Variants in ZFHX3 observed in about 807,000 individuals in gnomAD.
ZFHX3 encodes zinc finger homeobox protein 3.
In ZFHX3, 42 loss-of-function variants were observed where a neutral mutation model predicts 279.1. That is an observed-to-expected ratio of 0.15 (90% confidence interval 0.12 to 0.19). ZFHX3 has a LOEUF of 0.19. Ranked by LOEUF, ZFHX3 falls within the 10% of genes least tolerant of loss-of-function variation. The pLI is 1.00. For missense variants in ZFHX3, 4,981 were observed against 4,754.0 expected, an observed-to-expected ratio of 1.05 and a Z score of -1.40; for synonymous variants, 2,293 against 1,957.8, an observed-to-expected ratio of 1.17 and a Z score of -4.52.
chr16:72,934,116 C>T (rs1959979831), intron 3 of ZFHX3, among the ~76,000 whole-genome samples: 2 of 152,196 alleles, frequency 1.3e-5, no homozygotes. Context: ...CCACGCCCGG[C>T]CACAGCTTTC....
intron 2 of ZFHX3, among the ~76,000 whole-genome samples, chr16:73,614,938 T>G (rs2143890916): frequency 6.6e-6 from 1 of 152,044 alleles, no homozygotes; most frequent in Middle Eastern, 3.4e-3. Flanking sequence ...TTTTGTAGTT[T>G]TGGTAGAGAT....
At position 73,647,735 on chromosome 16, in the gene ZFHX3, GAAAAAAAAAC is replaced by G. The variant is rs2052633606; in HGVS notation, c.-1547+32435_-1547+32444del. Among the ~76,000 whole-genome samples, 4 of 147,856 alleles carry G rather than the reference GAAAAAAAAAC, an allele frequency of 2.7e-5. No individual in the cohort carries two copies. In the South Asian group the frequency reaches 8.5e-4, roughly 31 times the overall value. On this transcript the variant is annotated intron_variant, in intron 2 of 17. Coordinates refer to the ZFHX3 transcript ENST00000641206. ...GTTTAGAGTCAAGAAAAGCAGAAGAGAAAAAAAAACAAAAAAGAAGGAAGAAAATTCTATG... is the reference window on the plus strand; with the variant it reads ...GTTTAGAGTCAAGAAAAGCAGAAGAGAAAAAAGAAGGAAGAAAATTCTATG...
At chr16:73,216,198 G>T (rs528766447) in intron 5 of ZFHX3, among the ~76,000 whole-genome samples, 2 of 152,180 alleles carry the variant, frequency 1.3e-5, no homozygotes, top group African/African-American at 4.8e-5. Context: ...TGTGGCAGTC[G>T]CTGACAGATA....
chr16:72,829,692 T>C (rs934593910), intron 5 of ZFHX3, 87 bp downstream of exon 5: 11 of 1,471,072 alleles, frequency 7.5e-6, no homozygotes, highest in Admixed American at 6.9e-5. Flanking sequence ...CCTGACTTGT[T>C]AGCTCCATTC....
rs567300775 is a variant in ZFHX3 at position 73,854,067 on chromosome 16, G to A, written c.-1608+37584C>T. 9.1e-4 allele frequency among the ~76,000 whole-genome samples: 139 copies of A among 152,252 alleles called. 2 individuals carry two copies. The South Asian group carries it at 0.027, about 30-fold the overall frequency. ...ATACAGCACAATTTATTTTGCTTGC[G>A]AGTAGAGTCAAAGTACATATCTGAG... On this transcript the variant is annotated intron_variant, in intron 1 of 17. Transcript: ENST00000641206.
At chr16:73,538,201 T>G (rs1009509862) in intron 2 of ZFHX3, among the ~76,000 whole-genome samples, 4 of 141,170 alleles carry the variant, frequency 2.8e-5, no homozygotes, top group Non-Finnish European at 3.0e-5. Flanking sequence ...GTGTGTGTGT[T>G]TTTTAACACT....
chr16:73,282,956 G>A (rs1166397945), intron 4 of ZFHX3, among the ~76,000 whole-genome samples: 1 of 152,224 alleles, frequency 6.6e-6, no homozygotes, highest in East Asian at 1.9e-4. Flanking sequence ...TAATGTTAGG[G>A]AAAAGCCTGT....
chr16:73,250,781 G>A (rs1014472656), intron 5 of ZFHX3, among the ~76,000 whole-genome samples: 3 of 152,072 alleles, frequency 2.0e-5, no homozygotes, highest in Admixed American at 1.3e-4. Context: ...TGATCCGCCC[G>A]CCTCAGGCTC....
intron 1 of ZFHX3, among the ~76,000 whole-genome samples, chr16:73,777,532 A>AAAG (rs1959297890): frequency 6.7e-6 from 1 of 150,230 alleles, no homozygotes; most frequent in Non-Finnish European, 1.5e-5. Flanking sequence ...AAAAAAAAAA[A>AAAG]GCTTAGTTAA....
intron 1 of ZFHX3, among the ~76,000 whole-genome samples, chr16:73,874,098 A>C (rs892625985): frequency 6.6e-6 from 1 of 152,214 alleles, no homozygotes; most frequent in Non-Finnish European, 1.5e-5. Context: ...CTGTCTGTGA[A>C]CATTCATATT....
At chr16:73,056,366 AC>A (rs1446658358) in intron 1 of ZFHX3, among the ~76,000 whole-genome samples, 1 of 151,774 alleles carries the variant, frequency 6.6e-6, no homozygotes, top group African/African-American at 2.4e-5. Flanking sequence ...TCTCTAATAT[AC>A]CTGCACTAGT....
At chr16:73,291,003 G>C (rs1477815343) in intron 4 of ZFHX3, among the ~76,000 whole-genome samples, 2 of 152,300 alleles carry the variant, frequency 1.3e-5, no homozygotes, top group East Asian at 1.9e-4. Context: ...AGCAGATCAG[G>C]AGGGCTTAGA....
At chr16:72,948,431 G>A (rs1421282130) in intron 3 of ZFHX3, among the ~76,000 whole-genome samples, 3 of 152,190 alleles carry the variant, frequency 2.0e-5, no homozygotes, top group Admixed American at 2.0e-4. Flanking sequence ...CAGGCCAGCA[G>A]TGCAGAAACA....
chr16:72,808,105 A>G (rs1306579090), intron 7 of ZFHX3: 1 of 152,218 alleles, frequency 6.6e-6, no homozygotes, highest in African/African-American at 2.4e-5. Flanking sequence ...TTCTAATAAA[A>G]TGACAGTAAA....
In ZFHX3 at chr16:72,797,452, T is replaced by C. The variant is rs753503557; in HGVS notation, c.5230A>G (p.Thr1744Ala). ...ACTTGAGCCTGGGCCTGGGCCAGCG[T>C]TTGTGCTTGTTGTTGTTGTTGTTGT... The part of the protein sequence containing the change: ...QQQQQQQQAQ[T>A]LAQAQAQVQA... The change falls in exon 9 of 10, where the codon ACG becomes GCG. Residue 1744 changes from threonine to alanine, a missense_variant. Physicochemically the swap from Thr to Ala is moderately conservative, Grantham distance 58. Transcript: ENST00000268489. The C allele has an allele frequency of 6.2e-6, 10 of 1,609,708 alleles. No homozygotes were observed. The highest frequency in any genetic ancestry group is 1.4e-5 in the African/African-American group (1 of 73,928).
intron 1 of ZFHX3, among the ~76,000 whole-genome samples, chr16:73,789,172 T>C (rs1233046723): frequency 2.0e-5 from 3 of 151,812 alleles, no homozygotes; most frequent in African/African-American, 7.3e-5. Context: ...TGGATAGATA[T>C]GGATTTTTTT....
At chr16:72,963,772 G>T (rs1000709640) in intron 1 of ZFHX3, among the ~76,000 whole-genome samples, 1 of 152,190 alleles carries the variant, frequency 6.6e-6, no homozygotes, top group Admixed American at 6.5e-5. Flanking sequence ...AACAGTTTCA[G>T]GGAAGCTGGG....
rs549543085 is a variant in ZFHX3 at position 73,187,196 on chromosome 16, G to T, written c.-1103-43365C>A. Among the ~76,000 whole-genome samples, 15 of 151,274 alleles carry T rather than the reference G, an allele frequency of 9.9e-5. No individual in the cohort carries two copies. The East Asian group carries it at 2.9e-3, about 29-fold the overall frequency. Reference sequence around the variant, plus strand: ...CACTCACTCAGTGGGAAATGTGTTTGTCTAAAAACATTAAATTAACAACTT... The same window carrying T: ...CACTCACTCAGTGGGAAATGTGTTTTTCTAAAAACATTAAATTAACAACTT... On this transcript the variant is annotated intron_variant, in intron 5 of 17. Coordinates refer to the ZFHX3 transcript ENST00000641206.
At chr16:73,004,151 A>G (rs1161865969) in intron 1 of ZFHX3, among the ~76,000 whole-genome samples, 1 of 106,176 alleles carries the variant, frequency 9.4e-6, no homozygotes, top group African/African-American at 3.9e-5. Flanking sequence ...AACTACATAA[A>G]AACACGACTT....
Sources: allele counts gnomAD v4.1 joint callset (sites outside exome capture counted in the v4.1 genomes callset), GRCh38; gene constraint gnomAD v4.1.1; transcripts MANE v1.5; gene names NCBI Gene and HGNC (gene_info 2026-07-23, HGNC 2026-07-21).